Variants in MERTK observed in about 807,000 individuals in gnomAD.
The protein encoded by MERTK is MER proto-oncogene, tyrosine kinase.
MERTK carries 69 observed loss-of-function variants against 99.3 expected under a neutral mutation model. The observed-to-expected ratio is 0.70, with a 90% CI of 0.57 to 0.85. MERTK has a LOEUF of 0.85. Ranked by LOEUF, MERTK falls within the 40% of genes least tolerant of loss-of-function variation. The probability of loss-of-function intolerance (pLI) is 0.00; values close to 1 mark genes in which losing one functional copy is unlikely to be tolerated. For missense variants in MERTK, 1,125 were observed against 1,249.4 expected (o/e 0.90, Z 1.50); for synonymous variants, 426 against 467.6 (o/e 0.91, Z 1.15).
At chr2:111,958,920 T>A (rs1182259338) in intron 4 of MERTK, among the ~76,000 whole-genome samples, 1 of 146,138 alleles carries the variant, frequency 6.8e-6, no homozygotes, top group Non-Finnish European at 1.5e-5. Flanking sequence ...TGTAATTTTG[T>A]AGTTTGTATT....
intron 3 of MERTK, among the ~76,000 whole-genome samples, chr2:111,946,598 A>G (rs990921040): frequency 6.6e-6 from 1 of 152,196 alleles, no homozygotes; most frequent in African/African-American, 2.4e-5. Flanking sequence ...TTTGAAAAGC[A>G]CTCAGCCTTA....
chr2:112,003,024 A>G, intron 11 of MERTK, 68 bp from the exon 12 acceptor site: 1 of 780,818 alleles, frequency 1.3e-6, no homozygotes. Flanking sequence ...ACTTTATTTC[A>G]TTTTAATTAT....
chr2:111,936,914 G>A (rs2104694497), intron 2 of MERTK, among the ~76,000 whole-genome samples: 1 of 152,234 alleles, frequency 6.6e-6, no homozygotes, highest in South Asian at 2.1e-4. Flanking sequence ...TAGCTTGGGT[G>A]GAAATGTGCC....
rs370882764 is a variant in MERTK at position 111,910,610 on chromosome 2, G to GTGTGTGTATA, written c.61+11815_61+11816insGTGTGTATAT. On this transcript the variant is annotated intron_variant, in intron 1 of 18. Coordinates refer to ENST00000295408, the MANE Select transcript of MERTK (RefSeq NM_006343.3). The stretch of plus-strand genomic sequence containing the variant: ...AAAAAAAGTGTGTGTGTGTGTGTGT[G>GTGTGTGTATA]TATATATATATATATATACAAATGG... Among the ~76,000 whole-genome samples, 743 of 143,614 alleles carry GTGTGTGTATA rather than the reference G, an allele frequency of 5.2e-3. 6 individuals carry two copies. Among genetic ancestry groups the GTGTGTGTATA allele is most frequent in the East Asian group, 0.011 (52 of 4,722 alleles). The allele number at this position is 143,614 out of a possible 152,430, so 94.2% of individuals were successfully genotyped here. A position where few individuals can be genotyped will look rare whatever the true frequency, so the allele number is the denominator to read the frequency against.
At chr2:111,913,539 C>CT (rs920924309) in intron 1 of MERTK, among the ~76,000 whole-genome samples, 6 of 151,866 alleles carry the variant, frequency 4.0e-5, no homozygotes, top group Non-Finnish European at 7.4e-5. Context: ...TTGGAATTTT[C>CT]TTTTTTTTCT....
intron 2 of MERTK, among the ~76,000 whole-genome samples, chr2:111,944,626 G>A (rs1299545834): frequency 1.1e-3 from 2 of 1,876 alleles, no homozygotes; most frequent in Non-Finnish European, 1.4e-3. Context: ...TGAGTCCTCA[G>A]GCAGTTTGGA....
chr2:111,926,842 A>G (rs56264210), intron 1 of MERTK, among the ~76,000 whole-genome samples: 7,310 of 152,318 alleles, frequency 0.048, 162 homozygotes, highest in African/African-American at 0.059. Context: ...GCATCCACAC[A>G]TCAGAGGAAG....
chr2:111,904,467 C>A (rs1684101686), intron 1 of MERTK, among the ~76,000 whole-genome samples: 1 of 151,600 alleles, frequency 6.6e-6, no homozygotes, highest in African/African-American at 2.4e-5. Flanking sequence ...ACCTCCGCCT[C>A]CTGGCTTCAA....
intron 1 of MERTK, among the ~76,000 whole-genome samples, chr2:111,903,393 T>A (rs1684081045): frequency 6.6e-6 from 1 of 152,228 alleles, no homozygotes; most frequent in African/African-American, 2.4e-5. Flanking sequence ...CTGGAGGAGC[T>A]AGTCAATTAA....
At position 112,003,882 on chromosome 2, in the gene MERTK, C is replaced by T. The variant is rs374164597; in HGVS notation, c.1787-22C>T. On this transcript the variant is annotated intron_variant, in intron 12 of 18. Coordinates refer to ENST00000295408, the MANE Select transcript of MERTK (RefSeq NM_006343.3). Reference sequence around the variant, plus strand: ...GGGAAGAGTTTGCACAGTGTCCATACAGGTGTTCTTTCACTTCACAGGAGA... The same window carrying T: ...GGGAAGAGTTTGCACAGTGTCCATATAGGTGTTCTTTCACTTCACAGGAGA... 9 of 1,583,440 alleles carry T rather than the reference C, an allele frequency of 5.7e-6. No homozygotes were observed. The African/African-American group carries it at 6.7e-5, about 12-fold the overall frequency.
intron 2 of MERTK, 66 bp downstream of exon 2, chr2:111,929,606 A>ATTTATTTATT: frequency 2.4e-6 from 3 of 1,257,926 alleles, no homozygotes; most frequent in Admixed American, 2.8e-5. Context: ...TTACTTATTG[A>ATTTATTTATT]GACAGAGTAT....
At chr2:112,022,722 C>T (rs550615272) in intron 18 of MERTK, 34 of 478,356 alleles carry the variant, frequency 7.1e-5, no homozygotes, top group Non-Finnish European at 1.0e-4. Context: ...ATAATAGCTT[C>T]GCCTTGTAGT....
intron 2 of MERTK, among the ~76,000 whole-genome samples, chr2:111,931,559 G>A (rs1179531545): frequency 2.0e-5 from 3 of 152,076 alleles, no homozygotes; most frequent in Non-Finnish European, 2.9e-5. Context: ...GGTGGCGCAC[G>A]CCTATAGTCC....
At chr2:111,927,746 G>A (rs1330100454) in intron 1 of MERTK, among the ~76,000 whole-genome samples, 1 of 152,060 alleles carries the variant, frequency 6.6e-6, no homozygotes, top group African/African-American at 2.4e-5. Flanking sequence ...GCTAAATCGG[G>A]CACAACTCTG....
Position 111,965,172 on chromosome 2 carries a change from G to A in MERTK, c.758-19G>A, listed in dbSNP as rs763727302. ...CCTGTTTCTCTGCTGCTGGTCTCAT[G>A]AGTCTCCTTCCATTCCAGGCCTGAC... On this transcript the variant is annotated intron_variant, in intron 4 of 18. Coordinates refer to ENST00000295408, the MANE Select transcript of MERTK (RefSeq NM_006343.3). The A allele has an allele frequency of 3.3e-5, 53 of 1,609,744 alleles. 1 individual carries two copies. The South Asian group carries it at 5.1e-4, about 15-fold the overall frequency.
At chr2:112,021,396 C>T (rs1219464038) in intron 16 of MERTK, 26 bp from the exon 17 acceptor site, 2 of 1,612,138 alleles carry the variant, frequency 1.2e-6, no homozygotes, top group African/African-American at 1.3e-5. Flanking sequence ...TCTGACGCTG[C>T]TGAAGACGTA....
intron 14 of MERTK, 119 bp downstream of exon 14, chr2:112,008,594 A>G: frequency 1.2e-6 from 1 of 813,176 alleles, no homozygotes; most frequent in Non-Finnish European, 2.2e-6. Context: ...AACATAACTT[A>G]TAACATTGAG....
In MERTK at chr2:111,939,656, T is replaced by C. The variant is rs1037996449; in HGVS notation, c.483-5304T>C. Among the ~76,000 whole-genome samples the C allele has an allele frequency of 5.6e-5, 6 of 107,294 alleles. No individual in the cohort carries two copies. In the East Asian group the frequency reaches 1.3e-3, roughly 24 times the overall value. The allele number at this position is 107,294 out of a possible 152,430, so 70.4% of individuals were successfully genotyped here. On this transcript the variant is annotated intron_variant, in intron 2 of 18. Coordinates refer to ENST00000295408, the MANE Select transcript of MERTK (RefSeq NM_006343.3). ...CCACCATGCCCAGCTAATTTTTAAT[T>C]TTTTTTTTTTTTTTTTTTTTTTTTT...
intron 6 of MERTK, among the ~76,000 whole-genome samples, chr2:111,968,794 AC>A: frequency 6.6e-6 from 1 of 151,884 alleles, no homozygotes; most frequent in Non-Finnish European, 1.5e-5. Context: ...CTCCCAAAGT[AC>A]TGGGATTACA....
Sources: allele counts gnomAD v4.1 joint callset (sites outside exome capture counted in the v4.1 genomes callset), GRCh38; gene constraint gnomAD v4.1.1; transcripts MANE v1.5; gene names NCBI Gene and HGNC (gene_info 2026-07-23, HGNC 2026-07-21).